The following MYH14 variants were observed in gnomAD, a reference collection of about 807,000 sequenced individuals.
MYH14 encodes the protein myosin-14.
In MYH14, 123 loss-of-function variants were observed where a neutral mutation model predicts 255.5. That is an observed-to-expected ratio of 0.48 (90% CI 0.42 to 0.56). The LOEUF (loss-of-function observed/expected upper bound fraction) is 0.56. MYH14 is among the 20% of genes least tolerant of loss of function. MYH14 has a pLI of 0.00. For synonymous variants in MYH14, 1,095 were observed against 1,161.2 expected, an observed-to-expected ratio of 0.94 and a Z score of 1.16; for missense variants, 2,423 against 2,802.3, an observed-to-expected ratio of 0.86 and a Z score of 3.06.
In MYH14 at chr19:50,307,092, C is replaced by T. The variant is rs1272434745; in HGVS notation, c.5722C>T (p.Arg1908Trp). The T allele has an allele frequency of 5.2e-6, 8 of 1,550,946 alleles. No individual in the cohort carries two copies. The highest frequency in any genetic ancestry group is 7.0e-6 in the Non-Finnish European group (8 of 1,146,914). Reference sequence around the variant, plus strand: ...AAAGCTGGTGCGCAGAGCTGAGAAGCGGCTTAAAGAGGTGGTGCTCCAGGT... The same window carrying T: ...AAAGCTGGTGCGCAGAGCTGAGAAGTGGCTTAAAGAGGTGGTGCTCCAGGT... The part of the protein sequence containing the change: ...SGKLVRRAEK[R>W]LKEVVLQVEE... Residue 1908 changes from arginine to tryptophan, a missense_variant, in exon 41 of 43, where the codon CGG becomes TGG. Physicochemically the swap from Arg to Trp is moderately radical, Grantham distance 101 (BLOSUM62 -3). This residue lies in a region of MYH14 where 1,513 missense variants were observed against 1,674.8 expected (regional missense o/e 0.90). Coordinates refer to ENST00000642316, the MANE Select transcript of MYH14 (RefSeq NM_001145809.2).
At chr19:50,261,675 G>A in intron 21 of MYH14, 40 bp downstream of exon 21, 6 of 1,541,492 alleles carry the variant, frequency 3.9e-6, no homozygotes, top group Non-Finnish European at 5.2e-6. Context: ...TGTTGGCCGA[G>A]ACTGGGTCAG....
chr19:50,222,487 A>G (rs1033408838), intron 3 of MYH14, among the ~76,000 whole-genome samples: 4 of 151,466 alleles, frequency 2.6e-5, no homozygotes, highest in African/African-American at 9.7e-5. Context: ...CTCAAAAAAA[A>G]AAAAAAAAAA....
At chr19:50,282,731 T>A (rs573364866) in intron 33 of MYH14, among the ~76,000 whole-genome samples, 32 of 152,058 alleles carry the variant, frequency 2.1e-4, no homozygotes, top group Admixed American at 1.0e-3. Flanking sequence ...TAAAAAAAAT[T>A]TTTTTAAATT....
At chr19:50,217,792 T>C in intron 3 of MYH14, 21 bp downstream of exon 3, 1 of 1,608,504 alleles carries the variant, frequency 6.2e-7, no homozygotes, top group Non-Finnish European at 8.5e-7. Context: ...GGTGGGGCTG[T>C]AGGCCAGCGA....
intron 10 of MYH14, among the ~76,000 whole-genome samples, chr19:50,239,931 C>A (rs1422180029): frequency 6.6e-6 from 1 of 152,166 alleles, no homozygotes; most frequent in African/African-American, 2.4e-5. Context: ...TGGCATCCAG[C>A]CTGGGGGAGT....
intron 12 of MYH14, among the ~76,000 whole-genome samples, chr19:50,248,400 C>G (rs191508164): frequency 2.0e-5 from 3 of 152,216 alleles, no homozygotes; most frequent in African/African-American, 7.2e-5. Context: ...GAGCTCACAC[C>G]ATGAGCAGGG....
chr19:50,209,450 C>T (rs1310843597), intron 1 of MYH14, among the ~76,000 whole-genome samples: 1 of 151,892 alleles, frequency 6.6e-6, no homozygotes, highest in Non-Finnish European at 1.5e-5. Flanking sequence ...GAGTTCAAGA[C>T]CTGCCTGGAC....
At chr19:50,228,628 C>T (rs2033224673) in intron 8 of MYH14, among the ~76,000 whole-genome samples, 1 of 152,198 alleles carries the variant, frequency 6.6e-6, no homozygotes, top group Non-Finnish European at 1.5e-5. Context: ...TTGCCCTTGG[C>T]TCCCACCTCT....
chr19:50,251,474 TATATATATACACAC>T (rs1292169698), intron 15 of MYH14, among the ~76,000 whole-genome samples: 3 of 141,210 alleles, frequency 2.1e-5, no homozygotes, highest in East Asian at 2.0e-4. Context: ...TATATACACA[TATATATATACACAC>T]ATATATATAT....
At chr19:50,233,980 G>C (rs2033539473) in intron 10 of MYH14, among the ~76,000 whole-genome samples, 1 of 151,734 alleles carries the variant, frequency 6.6e-6, no homozygotes. Flanking sequence ...ACCACACCCG[G>C]CTAATTTTTT....
intron 29 of MYH14, among the ~76,000 whole-genome samples, chr19:50,277,481 G>A (rs557487299): frequency 1.3e-5 from 2 of 151,074 alleles, no homozygotes; most frequent in Non-Finnish European, 2.9e-5. Context: ...TGGCACACAC[G>A]CCTATAGTCC....
rs1296684233 is a variant in MYH14, at chr19:50,249,655, C to G, written c.1488C>G (p.Asn496Lys). The change falls in exon 14 of 43, where the codon AAC (asparagine) becomes AAG (lysine). Residue 496 changes from asparagine (N) to lysine (K), a missense_variant. This residue lies in a region of MYH14 where 672 missense variants were observed against 881.8 expected (regional missense o/e 0.76). Transcript: ENST00000642316. ...CGTGTCCTGCGTCCCTGCAGCTGAACTCCTTCGAGCAGCTCTGCATCAACT... is the reference window on the plus strand; with the variant it reads ...CGTGTCCTGCGTCCCTGCAGCTGAAGTCCTTCGAGCAGCTCTGCATCAACT... ...DIAGFEIFQL[N>K]SFEQLCINYT... 6.2e-7 allele frequency: 1 copy of G among 1,613,818 alleles called. No homozygotes were observed. Among genetic ancestry groups the G allele is most frequent in the South Asian group, 1.1e-5 (1 of 91,062 alleles).
chr19:50,259,344 G>A lies in MYH14; in HGVS notation c.2354+79G>A, dbSNP rs533956304. ...CTGGAAGCCGACACACCTGCATTCA[G>A]GTCTCCACCCACTCTTGTTCCTTCT... On this transcript the variant is annotated intron_variant, in intron 19 of 42. Coordinates refer to ENST00000642316, the MANE Select transcript of MYH14 (RefSeq NM_001145809.2). 3.0e-4 allele frequency: 450 copies of A among 1,520,440 alleles called. 1 individual carries two copies. In the African/African-American group the frequency reaches 5.5e-3, roughly 19 times the overall value. 94.2% of individuals were successfully genotyped at this position (1,520,440 alleles called of 1,614,324 possible).
chr19:50,302,048 C>T (rs986618344), intron 40 of MYH14, among the ~76,000 whole-genome samples, 179 bp downstream of exon 40: 8 of 138,004 alleles, frequency 5.8e-5, no homozygotes, highest in Non-Finnish European at 1.2e-4. Flanking sequence ...GAGGCAGAAG[C>T]GGGAGGATCC....
At chr19:50,287,258 T>C (rs1226136337) in intron 34 of MYH14, among the ~76,000 whole-genome samples, 1 of 152,212 alleles carries the variant, frequency 6.6e-6, no homozygotes, top group Non-Finnish European at 1.5e-5. Flanking sequence ...CAGAGGCAGG[T>C]CTTCATGTAG....
chr19:50,302,941 A>G (rs1263859285), intron 40 of MYH14, among the ~76,000 whole-genome samples: 1 of 152,198 alleles, frequency 6.6e-6, no homozygotes, highest in African/African-American at 2.4e-5. Context: ...AAAAACAAAC[A>G]AAGTGTGTAA....
chr19:50,264,118 G>A (rs1172316092), intron 22 of MYH14, among the ~76,000 whole-genome samples: 8 of 147,658 alleles, frequency 5.4e-5, no homozygotes, highest in South Asian at 2.1e-4. Context: ...TAAGTGTCTC[G>A]GAGAGACCAA....
chr19:50,249,340 C>T (rs2123303947), intron 13 of MYH14: 2 of 665,222 alleles, frequency 3.0e-6, no homozygotes, highest in Admixed American at 6.1e-5. Flanking sequence ...CCTTCTCTCT[C>T]TGGGTCTCTG....
At chr19:50,257,680 C>T (rs181304090) in intron 18 of MYH14, among the ~76,000 whole-genome samples, 194 bp downstream of exon 18, 124 of 152,314 alleles carry the variant, frequency 8.1e-4, no homozygotes, top group African/African-American at 2.9e-3. Flanking sequence ...ATGTATTAAG[C>T]ATCTACTGTG....
Sources: allele counts gnomAD v4.1 joint callset (sites outside exome capture counted in the v4.1 genomes callset), GRCh38; gene constraint gnomAD v4.1.1; regional missense constraint gnomAD v4.1.1; transcripts MANE v1.5; gene names NCBI Gene and HGNC (gene_info 2026-07-23, HGNC 2026-07-21).